The following CASZ1 variants were observed in gnomAD, a reference collection of about 807,000 sequenced individuals.
CASZ1 encodes the protein castor zinc finger 1.
A neutral mutation model predicts 135.2 loss-of-function variants in CASZ1; 28 were observed. The observed-to-expected ratio is 0.21, with a 90% CI of 0.15 to 0.28. The LOEUF is 0.28. CASZ1 is among the 10% of genes least tolerant of loss of function. The probability of loss-of-function intolerance (pLI) is 1.00; values close to 1 mark genes in which losing one functional copy is unlikely to be tolerated. For missense variants in CASZ1, 2,161 were observed against 2,453.3 expected (o/e 0.88, Z 2.52); for synonymous variants, 1,068 against 1,073.4 (o/e 0.99, Z 0.10).
At chr1:10,689,434 C>A (rs909639661) in intron 4 of CASZ1, among the ~76,000 whole-genome samples, 5 of 152,188 alleles carry the variant, frequency 3.3e-5, no homozygotes, top group African/African-American at 1.2e-4. Flanking sequence ...ACCAGTAGTA[C>A]CGACAAGGCC....
chr1:10,730,269 G>A (rs1639679680), intron 2 of CASZ1, among the ~76,000 whole-genome samples: 2 of 151,740 alleles, frequency 1.3e-5, no homozygotes, highest in Admixed American at 6.6e-5. Flanking sequence ...CACCACCTCA[G>A]GTGATCTGCC....
chr1:10,644,726 G>C (rs1327884757), intron 18 of CASZ1, among the ~76,000 whole-genome samples, 191 bp downstream of exon 18: 1 of 152,246 alleles, frequency 6.6e-6, no homozygotes, highest in African/African-American at 2.4e-5. Context: ...TCTTCTTGCT[G>C]GGCTTTGTGG....
chr1:10,698,420 G>A (rs1451519237), intron 3 of CASZ1, among the ~76,000 whole-genome samples: 1 of 152,100 alleles, frequency 6.6e-6, no homozygotes, highest in African/African-American at 2.4e-5. Flanking sequence ...AAATAAAATT[G>A]AAAATCATCT....
chr1:10,695,534 A>G (rs895450254), intron 3 of CASZ1, among the ~76,000 whole-genome samples: 1 of 116,348 alleles, frequency 8.6e-6, no homozygotes, highest in South Asian at 3.0e-4. Flanking sequence ...GGCACCCTCA[A>G]CCAGGGAGTC....
At chr1:10,640,438 T>C (rs566789631) in intron 20 of CASZ1, among the ~76,000 whole-genome samples, 1 of 152,290 alleles carries the variant, frequency 6.6e-6, no homozygotes, top group African/African-American at 2.4e-5. Flanking sequence ...ATTAGCCAAG[T>C]TGGACTCGGG....
In CASZ1 at chr1:10,724,279, G is replaced by A. The variant is rs1430360946; in HGVS notation, c.-76-18735C>T. ...GCCACGGCCCCCTCCCCAGCACCAA[G>A]AACCTTTCTGAGGAAATCAAAGTGA... On this transcript the variant is annotated intron_variant, in intron 2 of 20. Coordinates refer to ENST00000377022, the MANE Select transcript of CASZ1 (RefSeq NM_001079843.3). This position sits in a 1 kb window ranked among gnomAD's most constrained non-coding sequence, Gnocchi z 4.1. 5.3e-5 allele frequency among the ~76,000 whole-genome samples: 8 copies of A among 152,190 alleles called. No individual in the cohort carries two copies. Among genetic ancestry groups the A allele is most frequent in the Non-Finnish European group, 1.0e-4 (7 of 68,050 alleles).
At chr1:10,770,818 A>T (rs1640562681) in intron 1 of CASZ1, among the ~76,000 whole-genome samples, 3 of 152,212 alleles carry the variant, frequency 2.0e-5, no homozygotes, top group Admixed American at 2.0e-4. Flanking sequence ...GCCATCTGCA[A>T]AGTCAACCCA....
At position 10,779,279 on chromosome 1, in the gene CASZ1, A is replaced by ATTTTT. The variant is rs386366223; in HGVS notation, c.-234+17280_-234+17284dup. 7.2e-5 allele frequency among the ~76,000 whole-genome samples: 9 copies of ATTTTT among 125,254 alleles called. No homozygotes were observed. The East Asian group carries it at 9.9e-4, about 14-fold the overall frequency. The allele number at this position is 125,254 out of a possible 152,430, so 82.2% of individuals were successfully genotyped here. A position where few individuals can be genotyped will look rare whatever the true frequency, so the allele number is the denominator to read the frequency against. On this transcript the variant is annotated intron_variant, in intron 1 of 20. Transcript: ENST00000377022. ...GTACAAACTATCTCATAATTTTATA[A>ATTTTT]TTTTTTTTTTTTTTTTTTTTTTAGC...
Position 10,646,194 on chromosome 1 carries a change from G to A in CASZ1, c.3630C>T (p.Asn1210=), listed in dbSNP as rs191620838. The A allele has an allele frequency of 6.2e-7, 1 of 1,614,212 alleles. No homozygotes were observed. The highest frequency in any genetic ancestry group is 8.5e-7 in the Non-Finnish European group (1 of 1,180,034). ...GGTCTCGCACGTTCACCAGGTTGTT[G>A]TTGGGGTTGATGTGGTCCAGGCAGT... The part of the protein sequence containing the change: ...ESHCLDHINP[N]NNLVNVRDQF... The change falls in exon 17 of 21, where the codon AAC becomes AAT. Residue 1210 remains asparagine (N), a synonymous_variant. Coordinates refer to ENST00000377022, the MANE Select transcript of CASZ1 (RefSeq NM_001079843.3). This position sits in a 1 kb window ranked among gnomAD's most constrained non-coding sequence, Gnocchi z 6.4.
intron 4 of CASZ1, among the ~76,000 whole-genome samples, chr1:10,681,280 G>A (rs1638412289): frequency 6.6e-6 from 1 of 152,010 alleles, no homozygotes; most frequent in Non-Finnish European, 1.5e-5. Flanking sequence ...TGGCCCAGGT[G>A]GGTCGGGATG....
intron 1 of CASZ1, among the ~76,000 whole-genome samples, chr1:10,779,483 GC>G (rs1475031497): frequency 6.6e-6 from 1 of 151,960 alleles, no homozygotes; most frequent in Non-Finnish European, 1.5e-5. Context: ...GCCTGGCGCT[GC>G]CCCGCCCCCT....
chr1:10,668,191 G>T (rs150009578), intron 4 of CASZ1, among the ~76,000 whole-genome samples: 1 of 152,114 alleles, frequency 6.6e-6, no homozygotes, highest in South Asian at 2.1e-4. Context: ...TGGAGCTGAG[G>T]TCTAAGCTTT....
intron 2 of CASZ1, among the ~76,000 whole-genome samples, chr1:10,730,527 C>A (rs1047528340): frequency 6.6e-6 from 1 of 152,194 alleles, no homozygotes; most frequent in Admixed American, 6.5e-5. Flanking sequence ...CAGCTGCCTG[C>A]TCCAGGGAAC....
At position 10,647,316 on chromosome 1, in the gene CASZ1, G is replaced by C; in HGVS notation, c.3497+485C>G. 1 of 1,004,936 alleles carries C rather than the reference G, an allele frequency of 1.0e-6. No individual in the cohort carries two copies. The highest frequency in any genetic ancestry group is 4.2e-5 in the South Asian group (1 of 23,984). 62.3% of individuals were successfully genotyped at this position (1,004,936 alleles called of 1,614,324 possible). A position where few individuals can be genotyped will look rare whatever the true frequency, so the allele number is the denominator to read the frequency against. ...AGGAGCCACCACCATCCAGTGAGGA[G>C]GGTCCCTTCCACCCAAGAGCTCAGA... On this transcript the variant is annotated intron_variant, in intron 16 of 20. Coordinates refer to ENST00000377022, the MANE Select transcript of CASZ1 (RefSeq NM_001079843.3). The surrounding 1 kb of genome is among the most constrained non-coding windows in gnomAD (Gnocchi z 4.9).
In CASZ1 at chr1:10,640,024, T is replaced by G. The variant is rs746784633; in HGVS notation, c.4198A>C (p.Lys1400Gln). 1 of 1,610,856 alleles carries G rather than the reference T, an allele frequency of 6.2e-7. No individual in the cohort carries two copies. The highest frequency in any genetic ancestry group is 1.7e-5 in the Admixed American group (1 of 60,024). Residue 1400 changes from lysine to glutamine, a missense_variant, in exon 21 of 21, where the codon AAA (lysine) becomes CAA (glutamine). Around this residue, in one of 7 missense-constraint regions of CASZ1, gnomAD observed 143 missense variants for 128.3 expected, o/e 1.11. Transcript: ENST00000377022. Reference sequence around the variant, plus strand: ...TCCTCGATGATCCAGAAGCGCTTTTTGGCCCCCGAGGCTGTCGGCATAGAG... The same window carrying G: ...TCCTCGATGATCCAGAAGCGCTTTTGGGCCCCCGAGGCTGTCGGCATAGAG... ...TISMPTASGA[K>Q]KRFWIIEDMS...
chr1:10,663,465 A>C (rs1183779895), intron 5 of CASZ1, among the ~76,000 whole-genome samples: 1 of 152,218 alleles, frequency 6.6e-6, no homozygotes, highest in Non-Finnish European at 1.5e-5. Flanking sequence ...ACCTCAAGCT[A>C]CACAGGGTTG....
chr1:10,702,960 G>A (rs970779604), intron 3 of CASZ1, among the ~76,000 whole-genome samples: 1 of 143,528 alleles, frequency 7.0e-6, no homozygotes, highest in Non-Finnish European at 1.5e-5. Context: ...GAGAGGGAGA[G>A]GCAGAGAGAG....
In CASZ1 at chr1:10,717,878, G is replaced by A. The variant is rs1639423448; in HGVS notation, c.-76-12334C>T. Among the ~76,000 whole-genome samples, 1 of 152,270 alleles carries A rather than the reference G, an allele frequency of 6.6e-6. No individual in the cohort carries two copies. Among genetic ancestry groups the A allele is most frequent in the African/African-American group, 2.4e-5 (1 of 41,470 alleles). ...GGACAACAGCCATCAGTGGGAGGAA[G>A]AGTCCGGGCAGGCTGGTGGGCCTTT... On this transcript the variant is annotated intron_variant, in intron 2 of 20. Transcript: ENST00000377022. The surrounding 1 kb of genome is among the most constrained non-coding windows in gnomAD (Gnocchi z 4.6).
chr1:10,642,351 A>G, intron 20 of CASZ1: 1 of 154,934 alleles, frequency 6.5e-6, no homozygotes, highest in South Asian at 1.9e-4. Flanking sequence ...AGCAGAAAAA[A>G]AAAAAAAAAA....
Sources: allele counts gnomAD v4.1 joint callset (sites outside exome capture counted in the v4.1 genomes callset), GRCh38; gene constraint gnomAD v4.1.1; regional missense constraint gnomAD v4.1.1; non-coding constraint Gnocchi (gnomAD v3.1); transcripts MANE v1.5; gene names NCBI Gene and HGNC (gene_info 2026-07-23, HGNC 2026-07-21).